The following TNFSF4 variants were observed in gnomAD, a reference collection of about 807,000 sequenced individuals.
The protein encoded by TNFSF4 is tumor necrosis factor ligand superfamily member 4.
Under a neutral mutation model 7.3 loss-of-function variants are expected in TNFSF4, and 4 were observed. The ratio of observed to expected loss-of-function variants is 0.55; its 90% confidence interval spans 0.27 to 1.25. TNFSF4 has a LOEUF of 1.25. TNFSF4 is among the 50% of genes most tolerant of loss of function. The pLI, the probability that TNFSF4 is intolerant of heterozygous loss-of-function variation, is 0.12. For synonymous variants in TNFSF4, 76 were observed against 83.7 expected, an observed-to-expected ratio of 0.91 and a Z score of 0.50; for missense variants, 181 against 208.8, an observed-to-expected ratio of 0.87 and a Z score of 0.82.
At chr1:173,227,914 T>C in the TNFSF4 span, among the ~76,000 whole-genome samples, 1 of 152,052 alleles carries the variant, frequency 6.6e-6, no homozygotes, top group Non-Finnish European at 1.5e-5. Context: ...TGCTTAGGCT[T>C]GAGTAGGTAA....
the TNFSF4 span, among the ~76,000 whole-genome samples, chr1:173,270,963 A>G: frequency 1.3e-5 from 2 of 152,134 alleles, no homozygotes; most frequent in Admixed American, 6.5e-5. Flanking sequence ...GAATAAAAAT[A>G]TAAAATATAA....
At chr1:173,255,570 A>G in the TNFSF4 span, among the ~76,000 whole-genome samples, 1 of 152,202 alleles carries the variant, frequency 6.6e-6, no homozygotes. Flanking sequence ...CCTTATTCTT[A>G]GCAAACAGAG....
At chr1:173,222,692 A>T in the TNFSF4 span, among the ~76,000 whole-genome samples, 10 of 152,224 alleles carry the variant, frequency 6.6e-5, no homozygotes, top group African/African-American at 2.4e-4. Context: ...ACTACAATGA[A>T]AAATGAGTGC....
chr1:173,181,734 T>C (rs1242107056), downstream of TNFSF4, among the ~76,000 whole-genome samples: 1 of 152,218 alleles, frequency 6.6e-6, no homozygotes, highest in Non-Finnish European at 1.5e-5. Context: ...TGACCAGCTT[T>C]AGGGGATGGA....
intron 1 of TNFSF4, among the ~76,000 whole-genome samples, chr1:173,197,347 A>T (rs1290874245): frequency 6.6e-6 from 1 of 152,254 alleles, no homozygotes; most frequent in African/African-American, 2.4e-5. Flanking sequence ...ATATACCCAA[A>T]GGAATATAAA....
the TNFSF4 span, among the ~76,000 whole-genome samples, chr1:173,215,434 C>G: frequency 6.6e-6 from 1 of 152,116 alleles, no homozygotes; most frequent in African/African-American, 2.4e-5. Flanking sequence ...TCTGTGGTAA[C>G]AAGAATTTTA....
chr1:173,332,536 A>G, the TNFSF4 span, among the ~76,000 whole-genome samples: 3 of 149,934 alleles, frequency 2.0e-5, no homozygotes, highest in Non-Finnish European at 4.4e-5. Flanking sequence ...GTCTCAAAAT[A>G]AATAAATTAA....
chr1:173,437,193 G>A, the TNFSF4 span, among the ~76,000 whole-genome samples: 17 of 152,108 alleles, frequency 1.1e-4, no homozygotes, highest in South Asian at 6.2e-4. Flanking sequence ...GCCCTATGTC[G>A]CTTCCCTCTG....
the TNFSF4 span, among the ~76,000 whole-genome samples, chr1:173,442,843 C>T: frequency 1.3e-5 from 2 of 151,932 alleles, no homozygotes; most frequent in South Asian, 4.2e-4. Flanking sequence ...GCCACTGTGC[C>T]CGGCCTAATT....
chr1:173,246,402 C>G, the TNFSF4 span, among the ~76,000 whole-genome samples: 1 of 152,108 alleles, frequency 6.6e-6, no homozygotes, highest in Non-Finnish European at 1.5e-5. Context: ...AATTCCATTA[C>G]TGGGTATATA....
At chr1:173,232,148 C>G in the TNFSF4 span, among the ~76,000 whole-genome samples, 3 of 152,048 alleles carry the variant, frequency 2.0e-5, no homozygotes, top group East Asian at 5.8e-4. Context: ...CTTCGTTGAG[C>G]AGTGGTTTGT....
chr1:173,247,891 A>T, the TNFSF4 span, among the ~76,000 whole-genome samples: 2 of 152,210 alleles, frequency 1.3e-5, no homozygotes, highest in African/African-American at 4.8e-5. Context: ...TAAGACTTTT[A>T]AACAAGAATT....
At chr1:173,317,291 A>G in the TNFSF4 span, among the ~76,000 whole-genome samples, 3 of 152,236 alleles carry the variant, frequency 2.0e-5, no homozygotes, top group East Asian at 1.9e-4. Context: ...CTCTGTAAGT[A>G]TACAATATAA....
chr1:173,175,571 G>GC, the TNFSF4 span: 1 of 151,922 alleles, frequency 6.6e-6, no homozygotes, highest in African/African-American at 2.4e-5. Flanking sequence ...ATGCTATCAG[G>GC]CCCCCTGAAA....
chr1:173,311,431 G>A, the TNFSF4 span, among the ~76,000 whole-genome samples: 4 of 151,926 alleles, frequency 2.6e-5, no homozygotes, highest in African/African-American at 7.3e-5. Context: ...TAAAAGGGAG[G>A]AGCCACTACC....
the TNFSF4 span, among the ~76,000 whole-genome samples, chr1:173,305,801 C>T: frequency 6.6e-6 from 1 of 151,812 alleles, no homozygotes; most frequent in South Asian, 2.1e-4. Context: ...ATTAGATCTC[C>T]TGAGAACTCA....
chr1:173,183,116 G>C (rs1649085464), downstream of TNFSF4, among the ~76,000 whole-genome samples: 1 of 152,188 alleles, frequency 6.6e-6, no homozygotes, highest in African/African-American at 2.4e-5. Context: ...TTGGCTGCCA[G>C]ATTGCAGTTT....
At chr1:173,226,547 C>T in the TNFSF4 span, among the ~76,000 whole-genome samples, 1 of 152,190 alleles carries the variant, frequency 6.6e-6, no homozygotes, top group African/African-American at 2.4e-5. Context: ...AAACTTCTTT[C>T]ATCTTTAAAT....
chr1:173,180,779 T>A (rs1339693167), downstream of TNFSF4, among the ~76,000 whole-genome samples: 2 of 152,212 alleles, frequency 1.3e-5, no homozygotes, highest in Non-Finnish European at 2.9e-5. Context: ...TACTTACTGA[T>A]GCAACAGTAT....
Sources: gnomAD v4.1 joint callset for allele counts (sites outside exome capture counted in the v4.1 genomes callset) on GRCh38, gnomAD v4.1.1 for gene constraint, MANE v1.5 for transcripts, NCBI Gene and HGNC (gene_info 2026-07-23, HGNC 2026-07-21) for gene names.